ZFAND4: variants seen among roughly 807,000 people sequenced by gnomAD.
The protein encoded by ZFAND4 is zinc finger AN1-type containing 4, also known as AN1-type zinc finger protein 4.
A neutral mutation model predicts 64.4 loss-of-function variants in ZFAND4; 43 were observed. The ratio of observed to expected loss-of-function variants is 0.67; its 90% CI spans 0.52 to 0.86. ZFAND4 has a LOEUF of 0.86. Ranked by LOEUF, ZFAND4 falls within the 40% of genes least tolerant of loss-of-function variation. ZFAND4 has a pLI of 0.00. For missense variants in ZFAND4, 929 were observed against 859.8 expected (o/e 1.08, Z -1.01); for synonymous variants, 296 against 305.7 (o/e 0.97, Z 0.33).
intron 1 of ZFAND4, among the ~76,000 whole-genome samples, chr10:45,671,131 T>A (rs1223645040): frequency 6.6e-6 from 1 of 152,220 alleles, no homozygotes; most frequent in Non-Finnish European, 1.5e-5. Context: ...CACAGTGAGA[T>A]ACCATCTCAC....
rs1380457089 is a variant in ZFAND4, at chr10:45,648,395, T to C, written c.468A>G (p.Ala156=). ...TTAAAGTGCCATCTCCCCTATCTAC[T>C]GCAGGAAAGAAATTCAATTGATCTC... The part of the protein sequence containing the change: ...QEGDQLNFFP[A]VDRGDGTLTP... The change falls in exon 5 of 10, where the codon GCA becomes GCG. Residue 156 remains alanine, a synonymous_variant. Transcript: ENST00000344646. 1.9e-6 allele frequency: 3 copies of C among 1,614,060 alleles called. No homozygotes were observed. Among genetic ancestry groups the C allele is most frequent in the Non-Finnish European group, 2.5e-6 (3 of 1,179,974 alleles).
At chr10:45,660,474 G>C (rs1237980017) in intron 2 of ZFAND4, among the ~76,000 whole-genome samples, 1 of 152,070 alleles carries the variant, frequency 6.6e-6, no homozygotes. Context: ...TAGAATATCA[G>C]AAGAAAAAAT....
At chr10:45,665,351 C>A (rs911456736) in intron 1 of ZFAND4, among the ~76,000 whole-genome samples, 3 of 151,970 alleles carry the variant, frequency 2.0e-5, no homozygotes, top group Non-Finnish European at 2.9e-5. Context: ...ACCAGCCTGG[C>A]CAAAATGGCG....
At position 45,615,834 on chromosome 10, in the gene ZFAND4, T is replaced by C. The variant is rs1001994804; in HGVS notation, c.*602A>G. 6.6e-6 allele frequency: 1 copy of C among 152,140 alleles called. No individual in the cohort carries two copies. Among genetic ancestry groups the C allele is most frequent in the Non-Finnish European group, 1.5e-5 (1 of 68,022 alleles). The allele number at this position is 152,140 out of a possible 1,614,324, so 9.4% of individuals were successfully genotyped here. ...GAATGGATTCATGTCCGAATACTAA[T>C]CTGAATGTGGAAGAAATGTATTATC... is the stretch of plus-strand genomic sequence containing the variant. On this transcript the variant is annotated 3_prime_UTR_variant, in exon 10 of 10. Transcript: ENST00000344646.
intron 6 of ZFAND4, among the ~76,000 whole-genome samples, chr10:45,630,947 C>T (rs1411857329): frequency 6.9e-6 from 1 of 145,778 alleles, no homozygotes; most frequent in East Asian, 2.0e-4. Context: ...GGTGACACTG[C>T]AAGACCCTGT....
At chr10:45,622,836 G>A (rs577937751) in intron 8 of ZFAND4, among the ~76,000 whole-genome samples, 1 of 152,192 alleles carries the variant, frequency 6.6e-6, no homozygotes, top group East Asian at 1.9e-4. Flanking sequence ...ACGACTGTCT[G>A]TCCATGTACT....
At chr10:45,624,267 A>G (rs1287928296) in intron 8 of ZFAND4, among the ~76,000 whole-genome samples, 4 of 152,234 alleles carry the variant, frequency 2.6e-5, no homozygotes, top group South Asian at 2.1e-4. Flanking sequence ...CAAAACCCAC[A>G]TGGCTCTAGA....
intron 6 of ZFAND4, among the ~76,000 whole-genome samples, chr10:45,634,384 A>G (rs888823106): frequency 6.6e-6 from 1 of 151,908 alleles, no homozygotes; most frequent in Admixed American, 6.6e-5. Context: ...TTAGTTGGGC[A>G]TGGTGGCTCA....
rs975403932 is a variant in ZFAND4 at position 45,616,323 on chromosome 10, C to T, written c.*113G>A. 7.2e-7 allele frequency: 1 copy of T among 1,391,596 alleles called. No individual in the cohort carries two copies. Among genetic ancestry groups the T allele is most frequent in the Non-Finnish European group, 9.8e-7 (1 of 1,022,020 alleles). The allele number at this position is 1,391,596 out of a possible 1,614,324, so 86.2% of individuals were successfully genotyped here. Reference sequence around the variant, plus strand: ...GTTCTCCAACAGTATGCATTGTATGCTTTTGTTATTTGGCAAATCTTTTAG... The same window carrying T: ...GTTCTCCAACAGTATGCATTGTATGTTTTTGTTATTTGGCAAATCTTTTAG... On this transcript the variant is annotated 3_prime_UTR_variant, in exon 10 of 10. Transcript: ENST00000344646.
chr10:45,663,059 G>A (rs1305960838), intron 2 of ZFAND4, among the ~76,000 whole-genome samples: 1 of 150,828 alleles, frequency 6.6e-6, no homozygotes, highest in African/African-American at 2.4e-5. Flanking sequence ...TATACTAAGG[G>A]AACTTTGAAT....
chr10:45,650,511 C>CA (rs764359292), intron 4 of ZFAND4: 4,005 of 132,834 alleles, frequency 0.03, 123 homozygotes, highest in African/African-American at 0.088. Context: ...GACTCCGTCT[C>CA]AAAAAAAAAA....
intron 5 of ZFAND4, among the ~76,000 whole-genome samples, chr10:45,645,172 T>C (rs1321874984): frequency 1.3e-5 from 2 of 152,070 alleles, no homozygotes; most frequent in African/African-American, 2.4e-5. Flanking sequence ...GGAGTTTCAC[T>C]GTGTTGCCCG....
intron 8 of ZFAND4, among the ~76,000 whole-genome samples, chr10:45,621,808 T>G (rs878872368): frequency 6.6e-6 from 1 of 151,830 alleles, no homozygotes; most frequent in African/African-American, 2.4e-5. Flanking sequence ...AAGTAAAAAT[T>G]TATAACAATG....
chr10:45,635,382 C>T (rs1176547382), intron 6 of ZFAND4, among the ~76,000 whole-genome samples: 1 of 152,032 alleles, frequency 6.6e-6, no homozygotes, highest in East Asian at 1.9e-4. Flanking sequence ...CCACAGTGAA[C>T]TTATTTTTGA....
rs774804343 is a variant in ZFAND4, at chr10:45,616,406, C to T, written c.*30G>A. On this transcript the variant is annotated 3_prime_UTR_variant, in exon 10 of 10. Transcript: ENST00000344646. Reference sequence around the variant, plus strand: ...TCTTCTGTCATTATAATACGAATCCCGGGCAGAACAGTAAGATGTAGAGGA... The same window carrying T: ...TCTTCTGTCATTATAATACGAATCCTGGGCAGAACAGTAAGATGTAGAGGA... The T allele has an allele frequency of 4.4e-5, 70 of 1,607,332 alleles. No individual in the cohort carries two copies. Among genetic ancestry groups the T allele is most frequent in the Admixed American group, 8.6e-5 (5 of 58,458 alleles).
chr10:45,620,938 G>GA (rs1554826170), intron 8 of ZFAND4: 2 of 151,996 alleles, frequency 1.3e-5, no homozygotes, highest in Non-Finnish European at 1.5e-5. Flanking sequence ...GATGAATAAA[G>GA]AAAAAAACCC....
chr10:45,626,866 T>C lies in ZFAND4; in HGVS notation c.957A>G (p.Glu319=). The C allele has an allele frequency of 6.2e-7, 1 of 1,614,234 alleles. No individual in the cohort carries two copies. The highest frequency in any genetic ancestry group is 8.5e-7 in the Non-Finnish European group (1 of 1,180,050). Residue 319 remains glutamate (E), a synonymous_variant, in exon 7 of 10, where the codon GAA becomes GAG. Transcript: ENST00000344646. ...ISSITGEFLK[E]DNSWENNTLS... ...GTGTGTTATTCTCCCAGCTATTATCTTCCTTAAGAAATTCACCAGTGATAG... is the reference window on the plus strand; with the variant it reads ...GTGTGTTATTCTCCCAGCTATTATCCTCCTTAAGAAATTCACCAGTGATAG...
intron 2 of ZFAND4, among the ~76,000 whole-genome samples, chr10:45,654,484 T>C (rs1046130347): frequency 1.3e-5 from 2 of 151,976 alleles, no homozygotes; most frequent in African/African-American, 4.8e-5. Context: ...CCAGGCATAG[T>C]GGCAGGCGCC....
At chr10:45,624,774 T>C (rs2045678428) in intron 7 of ZFAND4, 137 bp from the exon 8 acceptor site, 4 of 695,416 alleles carry the variant, frequency 5.8e-6, no homozygotes, top group Non-Finnish European at 4.7e-6. Context: ...AATTTTTGTT[T>C]AATTAAATTA....
Sources: allele counts gnomAD v4.1 joint callset (sites outside exome capture counted in the v4.1 genomes callset), GRCh38; gene constraint gnomAD v4.1.1; transcripts MANE v1.5; gene names NCBI Gene and HGNC (gene_info 2026-07-23, HGNC 2026-07-21).